COL2A1: variants seen among roughly 807,000 people sequenced by gnomAD.
The protein encoded by COL2A1 is collagen alpha-1(II) chain.
A neutral mutation model predicts 204.5 loss-of-function variants in COL2A1; 28 were observed. The observed-to-expected ratio is 0.14, with a 90% CI of 0.10 to 0.19. COL2A1 has a LOEUF of 0.19. COL2A1 is among the 10% of genes least tolerant of loss of function. The pLI, the probability that COL2A1 is intolerant of heterozygous loss-of-function variation, is 1.00. For synonymous variants in COL2A1, 708 were observed against 718.7 expected (o/e 0.99, Z 0.24); for missense variants, 1,388 against 2,027.5 (o/e 0.68, Z 6.06).
rs1040777039 is a variant in COL2A1 at position 47,976,641 on chromosome 12, C to G, written c.3436-74G>C. The G allele has an allele frequency of 1.3e-5, 19 of 1,507,480 alleles. No individual in the cohort carries two copies. Among genetic ancestry groups the G allele is most frequent in the Admixed American group, 8.5e-5 (5 of 58,698 alleles). The allele number at this position is 1,507,480 out of a possible 1,614,324, so 93.4% of individuals were successfully genotyped here. On this transcript the variant is annotated intron_variant, in intron 48 of 53. Coordinates refer to ENST00000380518, the MANE Select transcript of COL2A1 (RefSeq NM_001844.5). This position sits in a 1 kb window ranked among gnomAD's most constrained non-coding sequence, Gnocchi z 4.3. ...ATCTATATTCTGGGAGCTGGGGGAACAGCTTTATGTCCCAGCCCCATTCCC... is the reference window on the plus strand; with the variant it reads ...ATCTATATTCTGGGAGCTGGGGGAAGAGCTTTATGTCCCAGCCCCATTCCC...
chr12:47,996,536 G>A lies in COL2A1; in HGVS notation c.609+12C>T. On this transcript the variant is annotated intron_variant, in intron 8 of 53. Transcript: ENST00000380518. ...GCCATTTTGGCTGCAAAGAACTAGT[G>A]TCTTTTCTTACCATTGGTCCTTGCA... is the stretch of plus-strand genomic sequence containing the variant. 6.2e-7 allele frequency: 1 copy of A among 1,612,414 alleles called. No individual in the cohort carries two copies. Among genetic ancestry groups the A allele is most frequent in the Non-Finnish European group, 8.5e-7 (1 of 1,178,386 alleles).
upstream of COL2A1, chr12:48,005,772 C>T (rs1940445226): frequency 6.6e-6 from 1 of 152,244 alleles, no homozygotes; most frequent in African/African-American, 2.4e-5. Flanking sequence ...CTGACTTAAC[C>T]AGAACTTCTG....
intron 37 of COL2A1, 75 bp from the exon 38 acceptor site, chr12:47,981,043 T>A (rs2276458): frequency 4.8e-6 from 7 of 1,445,610 alleles, no homozygotes; most frequent in South Asian, 1.3e-5. Flanking sequence ...CAAGAGCCCC[T>A]TGGGCCCTGC....
chr12:47,994,399 T>C, intron 12 of COL2A1, 25 bp downstream of exon 12: 1 of 1,613,926 alleles, frequency 6.2e-7, no homozygotes. Context: ...GAAAGATGCC[T>C]GAGGCTGGGA....
Position 47,973,239 on chromosome 12 carries a change from AG to A in COL2A1, c.*167del. ...TTTTATTTTGCAGTCTGCCCAGTTC[AG>A]GTCTCTTAGAAAGAGAGGGGAGAAA... On this transcript the variant is annotated 3_prime_UTR_variant, in exon 54 of 54. Coordinates refer to ENST00000380518, the MANE Select transcript of COL2A1 (RefSeq NM_001844.5). 1 of 825,542 alleles carries A rather than the reference AG, an allele frequency of 1.2e-6. No homozygotes were observed. The allele number at this position is 825,542 out of a possible 1,614,324, so 51.1% of individuals were successfully genotyped here.
chr12:47,983,720 C>T lies in COL2A1; in HGVS notation c.1958G>A (p.Arg653Gln), dbSNP rs1131691824. Residue 653 changes from arginine (R) to glutamine (Q), a missense_variant, in exon 30 of 54, where the codon CGA (arginine) becomes CAA (glutamine). By Grantham distance (43) the Arg-to-Gln change is conservative (BLOSUM62 1). Around this residue, in one of 3 missense-constraint regions of COL2A1, gnomAD observed 884 missense variants for 1,415.8 expected, o/e 0.62. Coordinates refer to ENST00000380518, the MANE Select transcript of COL2A1 (RefSeq NM_001844.5). ...TGGCCCAGGAGCACCCTGCTCGCCT[C>T]GTTCACCAGCAGGTCCCTGCAGTGG... is the stretch of plus-strand genomic sequence containing the variant. ...PPGPAGPAGE[R>Q]GEQGAPGPSG... 6.3e-7 allele frequency: 1 copy of T among 1,595,034 alleles called. No individual in the cohort carries two copies. Among genetic ancestry groups the T allele is most frequent in the Non-Finnish European group, 8.5e-7 (1 of 1,170,782 alleles).
At chr12:47,986,759 G>A (rs1397292915) in intron 22 of COL2A1, 76 bp downstream of exon 22, 8 of 1,525,758 alleles carry the variant, frequency 5.2e-6, no homozygotes, top group Non-Finnish European at 6.4e-6. Flanking sequence ...GAGGGAGGTG[G>A]TGGGTCAGTG....
At chr12:47,983,189 C>A in intron 31 of COL2A1, 52 bp from the exon 32 acceptor site, 1 of 1,587,752 alleles carries the variant, frequency 6.3e-7, no homozygotes. Context: ...TCACAGACCC[C>A]TGAACAATTC....
In COL2A1 at chr12:47,974,735, G is replaced by A. The variant is rs939449148; in HGVS notation, c.4014C>T (p.Ser1338=). The change falls in exon 52 of 54, where the codon AGC becomes AGT. Residue 1338 remains serine, a synonymous_variant. Coordinates refer to ENST00000380518, the MANE Select transcript of COL2A1 (RefSeq NM_001844.5). ...TGTGTTTCTTCTCCTTGCTCTTGCT[G>A]CTCCACCAGTTCTTCTTGGGAACGT... ...PANVPKKNWW[S]SKSKEKKHIW... is the part of the protein sequence containing the mutation. 9 of 1,614,084 alleles carry A rather than the reference G, an allele frequency of 5.6e-6. No homozygotes were observed. The African/African-American group carries it at 9.3e-5, about 17-fold the overall frequency.
At chr12:48,004,557 C>A, upstream of COL2A1, 2 of 474,354 alleles carry the variant, frequency 4.2e-6, no homozygotes, top group Non-Finnish European at 7.5e-6. Flanking sequence ...GCGGGCCGCC[C>A]CCTGCCCCCC....
rs772029420 is a variant in COL2A1, at chr12:47,976,581, A to C, written c.3436-14T>G. ...TCCAGAAGGACCCTGTGTAGAAGGAAGAGGCAAAAGGCCACGGTCAGCACA... is the reference window on the plus strand; with the variant it reads ...TCCAGAAGGACCCTGTGTAGAAGGACGAGGCAAAAGGCCACGGTCAGCACA... On this transcript the variant is annotated splice_polypyrimidine_tract_variant and intron_variant, in intron 48 of 53. Transcript: ENST00000380518. The surrounding 1 kb of genome is among the most constrained non-coding windows in gnomAD (Gnocchi z 4.3). 1.9e-6 allele frequency: 3 copies of C among 1,614,138 alleles called. No individual in the cohort carries two copies. The highest frequency in any genetic ancestry group is 2.5e-6 in the Non-Finnish European group (3 of 1,179,966).
chr12:47,986,802 A>G (rs1939442451), intron 22 of COL2A1, 33 bp downstream of exon 22: 1 of 1,613,504 alleles, frequency 6.2e-7, no homozygotes, highest in Non-Finnish European at 8.5e-7. Context: ...GAACAGCAGC[A>G]GAGAAGACAA....
rs919563891 is a variant in COL2A1, at chr12:47,987,430, C to T, written c.1222-117G>A. 183 of 1,189,728 alleles carry T rather than the reference C, an allele frequency of 1.5e-4. No individual in the cohort carries two copies. The highest frequency in any genetic ancestry group is 2.1e-4 in the Non-Finnish European group (167 of 810,780). 73.7% of individuals were successfully genotyped at this position (1,189,728 alleles called of 1,614,324 possible). ...GTGCTGTCCATTTCAGGGACATTCCCACTATGTGTTTCAAGGGGAAGATGG... is the reference window on the plus strand; with the variant it reads ...GTGCTGTCCATTTCAGGGACATTCCTACTATGTGTTTCAAGGGGAAGATGG... On this transcript the variant is annotated intron_variant, in intron 19 of 53. Transcript: ENST00000380518. The surrounding 1 kb of genome is among the most constrained non-coding windows in gnomAD (Gnocchi z 4.1).
At position 47,977,812 on chromosome 12, in the gene COL2A1, G is replaced by A. The variant is rs1793949; in HGVS notation, c.3112-159C>T. ...CTCACCAAGTTTCCCTCCTCCTTCC[G>A]GAAGCAGCCCTTGGTCTCTATGCCC... is the stretch of plus-strand genomic sequence containing the variant. On this transcript the variant is annotated intron_variant, in intron 44 of 53. Transcript: ENST00000380518. Among the ~76,000 whole-genome samples, 51,505 of 152,008 alleles carry A rather than the reference G, an allele frequency of 0.34. 10,021 individuals carry two copies. The highest frequency in any genetic ancestry group is 0.47 in the East Asian group (2,438 of 5,144).
At chr12:47,984,192 C>A (rs751258368) in intron 28 of COL2A1, 52 bp from the exon 29 acceptor site, 3 of 1,538,924 alleles carry the variant, frequency 1.9e-6, no homozygotes, top group Non-Finnish European at 2.7e-6. Context: ...TTCCCACTTG[C>A]AGTCCCCCTA....
intron 53 of COL2A1, 101 bp from the exon 54 acceptor site, chr12:47,973,654 G>A (rs1592193356): frequency 1.4e-6 from 2 of 1,436,180 alleles, no homozygotes; most frequent in Non-Finnish European, 1.9e-6. Flanking sequence ...GAGCATCAGA[G>A]CCCACAAGGT....
chr12:47,985,136 C>T lies in COL2A1; in HGVS notation c.1735-43G>A, dbSNP rs41317931. On this transcript the variant is annotated intron_variant, in intron 26 of 53. Coordinates refer to ENST00000380518, the MANE Select transcript of COL2A1 (RefSeq NM_001844.5). ...ATTCTCAGAACATAGACACTCTGAC[C>T]ACATCCATCCACCCAACATCCACTA... 9,356 of 1,495,086 alleles carry T rather than the reference C, an allele frequency of 6.3e-3. 128 individuals are homozygous for T. The highest frequency in any genetic ancestry group is 0.049 in the African/African-American group (3,536 of 72,572). 92.6% of individuals were successfully genotyped at this position (1,495,086 alleles called of 1,614,324 possible).
In COL2A1 at chr12:47,986,556, G is replaced by T. The variant is rs538142082; in HGVS notation, c.1420-113C>A. 142 of 765,496 alleles carry T rather than the reference G, an allele frequency of 1.9e-4. 1 individual carries two copies. Among genetic ancestry groups the T allele is most frequent in the South Asian group, 1.1e-3 (71 of 63,154 alleles). The allele number at this position is 765,496 out of a possible 1,614,324, so 47.4% of individuals were successfully genotyped here. On this transcript the variant is annotated intron_variant, in intron 22 of 53. Coordinates refer to ENST00000380518, the MANE Select transcript of COL2A1 (RefSeq NM_001844.5). Reference sequence around the variant, plus strand: ...GGCAACTGTTTCAGGGCTGGGGGGGGGCTTGAGGACGAGAGGCCATAAAGG... The same window carrying T: ...GGCAACTGTTTCAGGGCTGGGGGGGTGCTTGAGGACGAGAGGCCATAAAGG...
chr12:47,976,736 T>C lies in COL2A1; in HGVS notation c.3435+76A>G. ...TGCTTAGGGTGATCCCAAGCTGTCC[T>C]GGCAGCACAGGGAGCTCAAGTGGGC... On this transcript the variant is annotated intron_variant, in intron 48 of 53. Transcript: ENST00000380518. The surrounding 1 kb of genome is among the most constrained non-coding windows in gnomAD (Gnocchi z 4.3). 3 of 1,456,128 alleles carry C rather than the reference T, an allele frequency of 2.1e-6. No individual in the cohort carries two copies. Among genetic ancestry groups the C allele is most frequent in the Non-Finnish European group, 2.9e-6 (3 of 1,049,322 alleles). The allele number at this position is 1,456,128 out of a possible 1,614,324, so 90.2% of individuals were successfully genotyped here. A position where few individuals can be genotyped will look rare whatever the true frequency, so the allele number is the denominator to read the frequency against.
Sources: gnomAD v4.1 joint callset for allele counts (sites outside exome capture counted in the v4.1 genomes callset) on GRCh38, gnomAD v4.1.1 for gene constraint, gnomAD v4.1.1 regional missense constraint, Gnocchi (gnomAD v3.1) non-coding constraint, MANE v1.5 for transcripts, NCBI Gene and HGNC (gene_info 2026-07-23, HGNC 2026-07-21) for gene names.